NADK2: variants seen among roughly 807,000 people sequenced by gnomAD.
NADK2 encodes NAD kinase domain-containing protein 1, mitochondrial.
A neutral mutation model predicts 62.1 loss-of-function variants in NADK2; 35 were observed. That is an observed-to-expected ratio of 0.56 (90% CI 0.43 to 0.75). NADK2 has a LOEUF of 0.75. Ranked by LOEUF, NADK2 falls within the 30% of genes least tolerant of loss-of-function variation. The pLI, the probability that NADK2 is intolerant of heterozygous loss-of-function variation, is 0.00. For synonymous variants in NADK2, 205 were observed against 207.9 expected, an observed-to-expected ratio of 0.99 and a Z score of 0.12; for missense variants, 439 against 561.3, an observed-to-expected ratio of 0.78 and a Z score of 2.20.
Position 36,203,744 on chromosome 5 carries a change from T to C in NADK2, c.957-2583A>G, listed in dbSNP as rs375713610. Among the ~76,000 whole-genome samples, 3 of 152,088 alleles carry C rather than the reference T, an allele frequency of 2.0e-5. 1 individual carries two copies. The highest frequency in any genetic ancestry group is 1.3e-4 in the Admixed American group (2 of 15,244). On this transcript the variant is annotated intron_variant, in intron 8 of 11. Coordinates refer to ENST00000381937, the MANE Select transcript of NADK2 (RefSeq NM_001085411.3). ...CCTTATGCTCTGAAAGGCTGAAAAC[T>C]TGAACTATCAAAATCTATCAAAATT...
At chr5:36,214,997 T>C (rs1746989278) in intron 6 of NADK2, among the ~76,000 whole-genome samples, 1 of 152,158 alleles carries the variant, frequency 6.6e-6, no homozygotes, top group Non-Finnish European at 1.5e-5. Context: ...ATTATTAAAG[T>C]ATAGGGAAGG....
intron 6 of NADK2, 39 bp from the exon 7 acceptor site, chr5:36,211,961 CCTT>C (rs1746864640): frequency 6.9e-7 from 1 of 1,446,256 alleles, no homozygotes; most frequent in Admixed American, 2.0e-5. Context: ...CAAGATAGCT[CCTT>C]GATTTCTAGA....
At chr5:36,200,392 T>C (rs1746396674) in intron 9 of NADK2, 112 bp from the exon 10 acceptor site, 1 of 434,624 alleles carries the variant, frequency 2.3e-6, no homozygotes. Context: ...GTTATATATA[T>C]ATATGTTATT....
At chr5:36,222,104 A>G (rs1013397417) in intron 4 of NADK2, among the ~76,000 whole-genome samples, 1 of 152,270 alleles carries the variant, frequency 6.6e-6, no homozygotes, top group Non-Finnish European at 1.5e-5. Context: ...AAAGAGAAAA[A>G]GAAACAGAAA....
Position 36,241,595 on chromosome 5 carries a change from G to A in NADK2, c.204C>T (p.Pro68=), listed in dbSNP as rs1207473390. The A allele has an allele frequency of 2.0e-6, 3 of 1,519,900 alleles. No individual in the cohort carries two copies. Among genetic ancestry groups the A allele is most frequent in the African/African-American group, 2.9e-5 (2 of 69,506 alleles). 94.2% of individuals were successfully genotyped at this position (1,519,900 alleles called of 1,614,324 possible). A position where few individuals can be genotyped will look rare whatever the true frequency, so the allele number is the denominator to read the frequency against. ...TTTTGGCCACCACCACCACCCGGGA[G>A]GGGCGGAAGCCGCCGTCCGCGCGGC... ...CGSRADGGFR[P]SRVVVVAKTT... The change falls in exon 1 of 12, where the codon CCC becomes CCT. Residue 68 remains proline (P), a synonymous_variant. Transcript: ENST00000381937. The surrounding 1 kb of genome is among the most constrained non-coding windows in gnomAD (Gnocchi z 4.9).
At chr5:36,214,696 T>A (rs1429537205) in intron 6 of NADK2, among the ~76,000 whole-genome samples, 1 of 152,194 alleles carries the variant, frequency 6.6e-6, no homozygotes, top group African/African-American at 2.4e-5. Flanking sequence ...AAAGGCCTAG[T>A]TCCTAAAACT....
chr5:36,242,022 G>C, upstream of NADK2: 1 of 243,638 alleles, frequency 4.1e-6, no homozygotes, highest in Non-Finnish European at 7.7e-6. Flanking sequence ...CCCCACGCGG[G>C]AGAAAGGTGG....
chr5:36,224,577 A>C (rs1416677952), intron 4 of NADK2, among the ~76,000 whole-genome samples: 2 of 151,916 alleles, frequency 1.3e-5, no homozygotes, highest in African/African-American at 2.4e-5. Context: ...AAAAAGAAAG[A>C]AAGAAAGCAA....
intron 7 of NADK2, among the ~76,000 whole-genome samples, chr5:36,209,143 C>G (rs1204860549): frequency 6.6e-6 from 1 of 152,094 alleles, no homozygotes; most frequent in Non-Finnish European, 1.5e-5. Context: ...TTTTCAACAG[C>G]ATCAGAAGCC....
At chr5:36,203,181 T>C (rs1304337741) in intron 8 of NADK2, among the ~76,000 whole-genome samples, 1 of 152,150 alleles carries the variant, frequency 6.6e-6, no homozygotes, top group East Asian at 1.9e-4. Flanking sequence ...TGAAACTTTT[T>C]GGATTCTACT....
intron 1 of NADK2, among the ~76,000 whole-genome samples, chr5:36,238,786 A>T (rs1434372165): frequency 6.6e-6 from 1 of 152,342 alleles, no homozygotes; most frequent in South Asian, 2.1e-4. Flanking sequence ...TGGTCAATCA[A>T]TGGGGAAAAA....
chr5:36,220,998 G>T (rs1747245577), intron 4 of NADK2: 1 of 152,170 alleles, frequency 6.6e-6, no homozygotes. Context: ...TTTATGACCT[G>T]GCCTTGGAAC....
At chr5:36,225,708 T>A in intron 3 of NADK2, 85 bp from the exon 4 acceptor site, 1 of 1,188,154 alleles carries the variant, frequency 8.4e-7, no homozygotes, top group Non-Finnish European at 1.2e-6. Context: ...TCAGTAGTTT[T>A]AACAATCATA....
rs536219703 is a variant in NADK2 at position 36,228,656 on chromosome 5, T to C, written c.301-1091A>G. Among the ~76,000 whole-genome samples, 6 of 152,120 alleles carry C rather than the reference T, an allele frequency of 3.9e-5. No homozygotes were observed. The South Asian group carries it at 8.3e-4, about 21-fold the overall frequency. On this transcript the variant is annotated intron_variant, in intron 1 of 11. Coordinates refer to ENST00000381937, the MANE Select transcript of NADK2 (RefSeq NM_001085411.3). Reference sequence around the variant, plus strand: ...TTTTTTGAGACGGGGTCTGGCTCTGTTGCCCAGGCCGGGGTGTGGTAGTGT... The same window carrying C: ...TTTTTTGAGACGGGGTCTGGCTCTGCTGCCCAGGCCGGGGTGTGGTAGTGT...
At chr5:36,215,218 T>C (rs1184820084) in intron 6 of NADK2, among the ~76,000 whole-genome samples, 1 of 152,136 alleles carries the variant, frequency 6.6e-6, no homozygotes, top group East Asian at 1.9e-4. Flanking sequence ...GTGTAGAACA[T>C]TTTACCATTA....
At chr5:36,200,439 C>T (rs1259027885) in intron 9 of NADK2, among the ~76,000 whole-genome samples, 159 bp from the exon 10 acceptor site, 1 of 151,570 alleles carries the variant, frequency 6.6e-6, no homozygotes, top group Non-Finnish European at 1.5e-5. Flanking sequence ...AACATGTATA[C>T]ATTATATAGC....
chr5:36,231,498 G>A (rs1747708259), intron 1 of NADK2, among the ~76,000 whole-genome samples: 2 of 152,054 alleles, frequency 1.3e-5, no homozygotes, highest in African/African-American at 4.8e-5. Context: ...CTCGCTGGTT[G>A]GGCTATTAAG....
chr5:36,202,711 G>A (rs1746492456), intron 8 of NADK2, among the ~76,000 whole-genome samples: 1 of 152,014 alleles, frequency 6.6e-6, no homozygotes, highest in Admixed American at 6.6e-5. Context: ...GCCTCCCATG[G>A]GGACCCTCCA....
intron 1 of NADK2, among the ~76,000 whole-genome samples, chr5:36,233,145 C>T (rs1436142350): frequency 8.5e-5 from 13 of 152,212 alleles, no homozygotes; most frequent in Non-Finnish European, 1.9e-4. Flanking sequence ...GTTCATGCTG[C>T]CACTGCTTGA....
Sources: allele counts gnomAD v4.1 joint callset (sites outside exome capture counted in the v4.1 genomes callset), GRCh38; gene constraint gnomAD v4.1.1; non-coding constraint Gnocchi (gnomAD v3.1); transcripts MANE v1.5; gene names NCBI Gene and HGNC (gene_info 2026-07-23, HGNC 2026-07-21).